Variants in TMPRSS11D observed in about 807,000 individuals in gnomAD.
TMPRSS11D encodes transmembrane serine protease 11D.
In TMPRSS11D, 32 loss-of-function variants were observed where a neutral mutation model predicts 44.4. That is an observed-to-expected ratio of 0.72 (90% confidence interval 0.54 to 0.97). The LOEUF (loss-of-function observed/expected upper bound fraction) is 0.97, where lower values mean the gene tolerates loss of function less well. TMPRSS11D is among the 50% of genes least tolerant of loss of function. The pLI is 0.00. For synonymous variants in TMPRSS11D, 179 were observed against 177.9 expected (o/e 1.01, Z -0.05); for missense variants, 446 against 502.6 (o/e 0.89, Z 1.08).
chr4:67,854,232 G>A, intron 2 of TMPRSS11D, 46 bp from the exon 3 acceptor site: 2 of 997,096 alleles, frequency 2.0e-6, no homozygotes, highest in Non-Finnish European at 3.0e-6. Context: ...TTACTAAGTT[G>A]TTGAACCTTT....
chr4:67,825,792 T>C lies in TMPRSS11D; in HGVS notation c.1035A>G (p.Gly345=), dbSNP rs1159232442. ...CACACAGCATTCCAGACAAGATGGCTCCATTATAACTATGTGGTGCATTAC... is the reference window on the plus strand; with the variant it reads ...CACACAGCATTCCAGACAAGATGGCCCCATTATAACTATGTGGTGCATTAC... ...DVCNAPHSYN[G]AILSGMLCAG... Residue 345 remains glycine (G), a synonymous_variant, in exon 9 of 10, where the codon GGA becomes GGG. Coordinates refer to ENST00000283916, the MANE Select transcript of TMPRSS11D (RefSeq NM_004262.3). 5 of 1,613,278 alleles carry C rather than the reference T, an allele frequency of 3.1e-6. No individual in the cohort carries two copies. The highest frequency in any genetic ancestry group is 4.2e-6 in the Non-Finnish European group (5 of 1,179,516).
At chr4:67,850,162 A>C (rs1325917848) in intron 3 of TMPRSS11D, among the ~76,000 whole-genome samples, 1 of 152,160 alleles carries the variant, frequency 6.6e-6, no homozygotes, top group East Asian at 1.9e-4. Context: ...AGTACAGAAA[A>C]AAAGACAAAG....
intron 1 of TMPRSS11D, among the ~76,000 whole-genome samples, chr4:67,883,654 C>T (rs904719576): frequency 3.3e-5 from 5 of 152,026 alleles, no homozygotes; most frequent in Admixed American, 6.6e-5. Context: ...AGAAACAAAA[C>T]CACTTCCTTA....
At chr4:67,867,056 G>T (rs562941672) in intron 1 of TMPRSS11D, among the ~76,000 whole-genome samples, 1 of 152,140 alleles carries the variant, frequency 6.6e-6, no homozygotes, top group East Asian at 1.9e-4. Flanking sequence ...AAAGCTGGAG[G>T]TATCATATGA....
chr4:67,854,997 C>T (rs1220162192), intron 2 of TMPRSS11D, among the ~76,000 whole-genome samples: 1 of 99,844 alleles, frequency 1.0e-5, no homozygotes, highest in Non-Finnish European at 2.2e-5. Flanking sequence ...TGGCTCATGC[C>T]TGTAATCCCA....
chr4:67,874,297 G>A (rs1489477929), intron 1 of TMPRSS11D, among the ~76,000 whole-genome samples: 2 of 133,502 alleles, frequency 1.5e-5, no homozygotes, highest in East Asian at 4.8e-4. Flanking sequence ...ATGACTGGTG[G>A]ATCCATGTTT....
intron 1 of TMPRSS11D, among the ~76,000 whole-genome samples, chr4:67,870,540 C>T (rs1468784545): frequency 6.6e-6 from 1 of 151,994 alleles, no homozygotes; most frequent in Non-Finnish European, 1.5e-5. Context: ...TCCGGCCGGG[C>T]GCGGTGGCCC....
intron 1 of TMPRSS11D, among the ~76,000 whole-genome samples, chr4:67,869,828 C>T (rs552011022): frequency 2.4e-4 from 37 of 152,292 alleles, no homozygotes; most frequent in African/African-American, 8.2e-4. Flanking sequence ...TAGGTACTTA[C>T]GACATGGTAT....
intron 1 of TMPRSS11D, among the ~76,000 whole-genome samples, chr4:67,868,239 A>G (rs1718971711): frequency 6.6e-6 from 1 of 152,132 alleles, no homozygotes; most frequent in African/African-American, 2.4e-5. Context: ...TCACTTATAC[A>G]TGGGAGCTAA....
intron 9 of TMPRSS11D, among the ~76,000 whole-genome samples, chr4:67,824,438 G>C (rs1717737744): frequency 6.6e-6 from 1 of 152,034 alleles, no homozygotes; most frequent in Admixed American, 6.6e-5. Context: ...GGATTCTTTG[G>C]AAAGCTGTCA....
At chr4:67,844,890 G>A (rs1427685115) in intron 3 of TMPRSS11D, among the ~76,000 whole-genome samples, 1 of 152,116 alleles carries the variant, frequency 6.6e-6, no homozygotes, top group Non-Finnish European at 1.5e-5. Flanking sequence ...TTAGAAGCAT[G>A]AGCTTTAATA....
intron 1 of TMPRSS11D, among the ~76,000 whole-genome samples, chr4:67,871,169 C>T (rs1289734579): frequency 6.6e-6 from 1 of 152,072 alleles, no homozygotes; most frequent in Non-Finnish European, 1.5e-5. Context: ...AGCCAAGAGT[C>T]TTTATTCATT....
At chr4:67,823,211 G>A (rs377236421) in intron 9 of TMPRSS11D, among the ~76,000 whole-genome samples, 3 of 152,122 alleles carry the variant, frequency 2.0e-5, no homozygotes, top group Non-Finnish European at 2.9e-5. Context: ...CGTGGTGTCT[G>A]ATGCATAGTA....
intron 2 of TMPRSS11D, among the ~76,000 whole-genome samples, chr4:67,856,335 C>T (rs1045313711): frequency 1.3e-5 from 2 of 152,068 alleles, no homozygotes; most frequent in Non-Finnish European, 2.9e-5. Context: ...AATTCACCTA[C>T]AGCCAACTGA....
chr4:67,883,780 ATATC>A (rs913897847), intron 1 of TMPRSS11D, 142 bp downstream of exon 1: 12 of 552,092 alleles, frequency 2.2e-5, no homozygotes, highest in Admixed American at 7.1e-5. Context: ...TATCTAAACA[ATATC>A]TAAGAGTTTC....
intron 2 of TMPRSS11D, among the ~76,000 whole-genome samples, chr4:67,855,252 CAAAAAAA>C (rs34448142): frequency 2.4e-5 from 3 of 125,784 alleles, no homozygotes; most frequent in Non-Finnish European, 1.7e-5. Flanking sequence ...AAGACTGTCT[CAAAAAAA>C]AAAAAAAAAA....
At chr4:67,834,226 G>A (rs182144916) in intron 6 of TMPRSS11D, among the ~76,000 whole-genome samples, 206 of 152,080 alleles carry the variant, frequency 1.4e-3, no homozygotes, top group Admixed American at 4.7e-3. Context: ...TGGCTTTTAA[G>A]TAGTGCCCTG....
At chr4:67,839,055 T>C (rs936250364) in intron 4 of TMPRSS11D, 1 of 152,150 alleles carries the variant, frequency 6.6e-6, no homozygotes, top group African/African-American at 2.4e-5. Context: ...GGCTGTCTTC[T>C]TTTCTGAAAA....
At chr4:67,838,491 G>T (rs571343366) in intron 4 of TMPRSS11D, among the ~76,000 whole-genome samples, 162 bp from the exon 5 acceptor site, 83 of 152,160 alleles carry the variant, frequency 5.5e-4, no homozygotes, top group African/African-American at 2.0e-3. Flanking sequence ...ACTATATCAC[G>T]ATGCTATCTC....
Sources: allele counts gnomAD v4.1 joint callset (sites outside exome capture counted in the v4.1 genomes callset), GRCh38; gene constraint gnomAD v4.1.1; transcripts MANE v1.5; gene names NCBI Gene and HGNC (gene_info 2026-07-23, HGNC 2026-07-21).